The following SLC39A10 variants were observed in gnomAD, a reference collection of about 807,000 sequenced individuals.
SLC39A10 encodes the protein zinc transporter ZIP10.
In SLC39A10, 13 loss-of-function variants were observed where a neutral mutation model predicts 65.1. The observed-to-expected ratio is 0.20, with a 90% CI of 0.13 to 0.32. The LOEUF is 0.32. Ranked by LOEUF, SLC39A10 falls within the 10% of genes least tolerant of loss-of-function variation. The pLI, the probability that SLC39A10 is intolerant of heterozygous loss-of-function variation, is 1.00. For missense variants in SLC39A10, 831 were observed against 1,018.4 expected, an observed-to-expected ratio of 0.82 and a Z score of 2.50; for synonymous variants, 321 against 342.2, an observed-to-expected ratio of 0.94 and a Z score of 0.68.
intron 1 of SLC39A10, chr2:195,674,553 A>C (rs993212283): frequency 2.0e-6 from 2 of 983,636 alleles, no homozygotes; most frequent in East Asian, 1.1e-4. Context: ...CTGGGATTAT[A>C]GGTGTGAACC....
chr2:195,681,650 A>G (rs1346607515), intron 2 of SLC39A10, among the ~76,000 whole-genome samples: 2 of 152,178 alleles, frequency 1.3e-5, no homozygotes, highest in African/African-American at 4.8e-5. Context: ...TGTAGCACGT[A>G]TCTGAAGACT....
intron 1 of SLC39A10, among the ~76,000 whole-genome samples, chr2:195,662,369 G>T (rs1336766571): frequency 6.6e-6 from 1 of 151,600 alleles, no homozygotes; most frequent in East Asian, 1.9e-4. Context: ...CCTGGGCTTG[G>T]GTCATCCCCT....
At chr2:195,626,685 A>T (rs887744831) in intron 2 of SLC39A10, among the ~76,000 whole-genome samples, 5 of 152,212 alleles carry the variant, frequency 3.3e-5, no homozygotes, top group African/African-American at 1.2e-4. Flanking sequence ...GCTTTTAGGG[A>T]AGACCTCAGG....
intron 8 of SLC39A10, among the ~76,000 whole-genome samples, chr2:195,727,533 G>GAA (rs5837475): frequency 2.7e-5 from 4 of 150,906 alleles, no homozygotes; most frequent in African/African-American, 7.3e-5. Context: ...TTCTTTCTGG[G>GAA]AAAAAAAAAT....
In SLC39A10 at chr2:195,669,610, C is replaced by T. The variant is rs779965380; in HGVS notation, c.-11-10422C>T. On this transcript the variant is annotated intron_variant, in intron 1 of 9. Transcript: ENST00000359634. ...ACCATTTGTATATATTCCTACTGAA[C>T]TTGTTATTTAGGTGTTTAATTTTAT... 9.2e-4 allele frequency among the ~76,000 whole-genome samples: 140 copies of T among 152,128 alleles called. 2 individuals carry two copies. The highest frequency in any genetic ancestry group is 2.1e-4 in the Non-Finnish European group (14 of 68,016).
At chr2:195,626,867 T>C (rs565221989) in intron 2 of SLC39A10, among the ~76,000 whole-genome samples, 29 of 152,298 alleles carry the variant, frequency 1.9e-4, no homozygotes, top group African/African-American at 6.7e-4. Context: ...CTCATCTGTA[T>C]CCCAGGCTTA....
intron 5 of SLC39A10, among the ~76,000 whole-genome samples, chr2:195,712,581 C>T (rs919709973): frequency 1.3e-5 from 2 of 152,078 alleles, no homozygotes; most frequent in African/African-American, 2.4e-5. Context: ...TTTTTTTCAA[C>T]AGTGTTCTAG....
chr2:195,701,430 T>G (rs1691181949), intron 3 of SLC39A10, among the ~76,000 whole-genome samples: 1 of 131,700 alleles, frequency 7.6e-6, no homozygotes, highest in East Asian at 2.2e-4. Flanking sequence ...ACAGTTTCTG[T>G]GATTCTTTTT....
At chr2:195,696,429 T>C (rs1308320156) in intron 3 of SLC39A10, among the ~76,000 whole-genome samples, 1 of 152,106 alleles carries the variant, frequency 6.6e-6, no homozygotes, top group Non-Finnish European at 1.5e-5. Flanking sequence ...CCTTAATATC[T>C]GTGAGTTCTG....
At chr2:195,711,572 A>G (rs1691602774) in intron 5 of SLC39A10, among the ~76,000 whole-genome samples, 1 of 152,202 alleles carries the variant, frequency 6.6e-6, no homozygotes. Flanking sequence ...CTAAGATGAA[A>G]AGGTTATGGC....
At chr2:195,712,811 G>A (rs1371981814) in intron 5 of SLC39A10, among the ~76,000 whole-genome samples, 1 of 152,114 alleles carries the variant, frequency 6.6e-6, no homozygotes, top group Non-Finnish European at 1.5e-5. Flanking sequence ...TAAGTCCAAG[G>A]TGATAAGAAA....
At chr2:195,690,747 C>G (rs1690708655) in intron 3 of SLC39A10, among the ~76,000 whole-genome samples, 1 of 152,068 alleles carries the variant, frequency 6.6e-6, no homozygotes, top group Non-Finnish European at 1.5e-5. Flanking sequence ...TTTAGGAGTT[C>G]TCTATATTCT....
At chr2:195,655,807 C>T (rs1348289372), upstream of SLC39A10, among the ~76,000 whole-genome samples, 1 of 152,174 alleles carries the variant, frequency 6.6e-6, no homozygotes, top group Non-Finnish European at 1.5e-5. Context: ...TTCTGAACTA[C>T]GTATGGCAAT....
intron 8 of SLC39A10, among the ~76,000 whole-genome samples, chr2:195,726,662 A>G (rs1030824557): frequency 1.3e-5 from 2 of 152,306 alleles, no homozygotes; most frequent in East Asian, 1.9e-4. Context: ...TTCCAAAACA[A>G]TGCTGCAGTG....
intron 2 of SLC39A10, among the ~76,000 whole-genome samples, chr2:195,627,554 T>A (rs1688500090): frequency 6.6e-6 from 1 of 152,226 alleles, no homozygotes; most frequent in African/African-American, 2.4e-5. Flanking sequence ...GAGTGACTTC[T>A]GTTTCACTCT....
chr2:195,613,058 C>T (rs1688132692), intron 2 of SLC39A10, among the ~76,000 whole-genome samples: 1 of 152,122 alleles, frequency 6.6e-6, no homozygotes, highest in Admixed American at 6.5e-5. Flanking sequence ...AGAGACTGAA[C>T]TTACTCCCAA....
chr2:195,683,015 A>G (rs1383514486), intron 2 of SLC39A10, among the ~76,000 whole-genome samples: 3 of 152,124 alleles, frequency 2.0e-5, no homozygotes, highest in Non-Finnish European at 2.9e-5. Context: ...ACAAAGGGAC[A>G]GTGCCAATCT....
chr2:195,688,463 G>T (rs1256399728), intron 3 of SLC39A10, among the ~76,000 whole-genome samples: 1 of 152,138 alleles, frequency 6.6e-6, no homozygotes, highest in Non-Finnish European at 1.5e-5. Context: ...CTGCTCATAG[G>T]TCAAAAGGAT....
At chr2:195,722,061 G>C (rs771734565) in intron 8 of SLC39A10, among the ~76,000 whole-genome samples, 4 of 152,166 alleles carry the variant, frequency 2.6e-5, no homozygotes, top group Non-Finnish European at 5.9e-5. Flanking sequence ...GGAAGCCCTT[G>C]ATACCCAATG....
Sources: gnomAD v4.1 joint callset for allele counts (sites outside exome capture counted in the v4.1 genomes callset) on GRCh38, gnomAD v4.1.1 for gene constraint, MANE v1.5 for transcripts, NCBI Gene and HGNC (gene_info 2026-07-23, HGNC 2026-07-21) for gene names.